ZNF846: variants seen among roughly 807,000 people sequenced by gnomAD.
ZNF846 encodes zinc finger protein 846.
In ZNF846, 15 loss-of-function variants were observed where a neutral mutation model predicts 16.0. That is an observed-to-expected ratio of 0.94 (90% CI 0.63 to 1.45). The LOEUF (loss-of-function observed/expected upper bound fraction) is 1.45, where lower values mean the gene tolerates loss of function less well. ZNF846 is among the 40% of genes most tolerant of loss of function. The pLI is 0.00. For missense variants in ZNF846, 714 were observed against 622.3 expected (o/e 1.15, Z -1.57); for synonymous variants, 229 against 212.0 (o/e 1.08, Z -0.70).
chr19:9,765,204 C>G (rs898772992), intron 1 of ZNF846, among the ~76,000 whole-genome samples, 169 bp from the exon 2 acceptor site: 4 of 151,922 alleles, frequency 2.6e-5, no homozygotes, highest in Non-Finnish European at 4.4e-5. Flanking sequence ...GAAACCCTGT[C>G]TCTACTAAAA....
intron 4 of ZNF846, among the ~76,000 whole-genome samples, chr19:9,761,348 TA>T (rs34244173): frequency 0.17 from 25,247 of 146,812 alleles, 2,877 homozygotes; most frequent in Non-Finnish European, 0.26. Flanking sequence ...AAAACATGAT[TA>T]AAAAAAAAAA....
downstream of ZNF846, among the ~76,000 whole-genome samples, chr19:9,754,563 T>TCAAAA (rs776769152): frequency 6.7e-4 from 56 of 83,766 alleles, no homozygotes; most frequent in African/African-American, 1.6e-3. Context: ...AGACTCTGTC[T>TCAAAA]TAAAAAAAAA....
chr19:9,749,546 C>CTT (rs60331343), downstream of ZNF846, among the ~76,000 whole-genome samples: 20 of 125,534 alleles, frequency 1.6e-4, no homozygotes, highest in Middle Eastern at 4.0e-3. Context: ...ATAAGTCTTT[C>CTT]TTTTTTTTTT....
At chr19:9,764,449 A>C (rs2045281553) in intron 2 of ZNF846, among the ~76,000 whole-genome samples, 1 of 152,172 alleles carries the variant, frequency 6.6e-6, no homozygotes, top group Non-Finnish European at 1.5e-5. Context: ...TCTACATACA[A>C]ATGTACTGTA....
exon 1 of ZNF846, chr19:9,768,307 C>T (rs1000563090): frequency 6.6e-6 from 1 of 151,882 alleles, no homozygotes; most frequent in East Asian, 1.9e-4. Flanking sequence ...ACTGCAATCG[C>T]CCTGTCGGTG....
At chr19:9,784,572 A>G (rs2045539051) in intron 1 of ZNF846, among the ~76,000 whole-genome samples, 1 of 152,126 alleles carries the variant, frequency 6.6e-6, no homozygotes, top group Non-Finnish European at 1.5e-5. Context: ...TCTCAACTGC[A>G]AAGAGGCCTT....
exon 6 of ZNF846, chr19:9,758,498 T>G: frequency 6.2e-7 from 1 of 1,613,616 alleles, no homozygotes; most frequent in Non-Finnish European, 8.5e-7. Flanking sequence ...ATTTCTCTTG[T>G]GTGTGAGTTT....
intron 1 of ZNF846, among the ~76,000 whole-genome samples, chr19:9,783,892 C>T (rs1195779313): frequency 3.3e-5 from 5 of 151,720 alleles, no homozygotes; most frequent in Non-Finnish European, 5.9e-5. Context: ...TTGTAGATAC[C>T]GGGTTTTGCC....
intron 1 of ZNF846, among the ~76,000 whole-genome samples, chr19:9,784,786 C>A (rs1186241971): frequency 6.6e-6 from 1 of 152,084 alleles, no homozygotes; most frequent in African/African-American, 2.4e-5. Context: ...TGGAGCATGG[C>A]GATGCCTTTT....
chr19:9,779,490 A>G (rs2045479181), intron 1 of ZNF846, among the ~76,000 whole-genome samples: 1 of 148,794 alleles, frequency 6.7e-6, no homozygotes, highest in Non-Finnish European at 1.5e-5. Flanking sequence ...CTGGTCTCAA[A>G]CTCCCGACCT....
rs576306688 is a variant in ZNF846, at chr19:9,763,953, T to C, written c.16-545A>G. Among the ~76,000 whole-genome samples the C allele has an allele frequency of 2.6e-5, 4 of 152,264 alleles. No homozygotes were observed. In the South Asian group the frequency reaches 6.2e-4, roughly 24 times the overall value. On this transcript the variant is annotated intron_variant, in intron 2 of 5. Transcript: ENST00000397902. ...TGTAAATACAAAATTGCATGCAGGA[T>C]TGTGTAAAGACAATGCCAGGTTGGA...
chr19:9,750,605 G>T (rs541130283), downstream of ZNF846, among the ~76,000 whole-genome samples: 17 of 152,272 alleles, frequency 1.1e-4, no homozygotes, highest in South Asian at 3.5e-3. Context: ...AATCCAGTTT[G>T]CAAATGGGAA....
At chr19:9,764,938 G>T (rs2045290610) in exon 2 of ZNF846, 3 of 1,614,032 alleles carry the variant, frequency 1.9e-6, no homozygotes, top group Admixed American at 1.7e-5. Context: ...CCACTTGCCT[G>T]AGAAGAATCC....
intron 5 of ZNF846, 116 bp downstream of exon 5, chr19:9,759,744 A>G (rs2045192071): frequency 2.9e-6 from 2 of 684,826 alleles, no homozygotes; most frequent in Non-Finnish European, 4.9e-6. Flanking sequence ...CATGATATTC[A>G]GAGAATCTCT....
chr19:9,772,259 G>T (rs2045395993), upstream of ZNF846, among the ~76,000 whole-genome samples: 1 of 152,056 alleles, frequency 6.6e-6, no homozygotes, highest in South Asian at 2.1e-4. Flanking sequence ...TGAAAATGAA[G>T]AAATACTTCC....
At chr19:9,757,028 T>C (rs1252379906), downstream of ZNF846, among the ~76,000 whole-genome samples, 5 of 147,108 alleles carry the variant, frequency 3.4e-5, no homozygotes, top group Non-Finnish European at 7.5e-5. Context: ...ACCCTGTCTC[T>C]ACTAAAAATA....
upstream of ZNF846, among the ~76,000 whole-genome samples, chr19:9,770,021 T>G (rs1038493706): frequency 6.6e-6 from 1 of 151,554 alleles, no homozygotes; most frequent in African/African-American, 2.4e-5. Flanking sequence ...ATCCATAAAA[T>G]GCTCTGTGCC....
At chr19:9,780,529 A>C (rs1032656586) in intron 1 of ZNF846, among the ~76,000 whole-genome samples, 4 of 151,946 alleles carry the variant, frequency 2.6e-5, no homozygotes, top group Non-Finnish European at 5.9e-5. Flanking sequence ...AGCTCACTGC[A>C]ACCTCTGCCT....
At chr19:9,756,382 T>TATATAC (rs1411472302), downstream of ZNF846, 17 of 119,506 alleles carry the variant, frequency 1.4e-4, no homozygotes, top group African/African-American at 4.0e-4. Flanking sequence ...TATATATATA[T>TATATAC]ATAAAGACAT....
Sources: allele counts gnomAD v4.1 joint callset (sites outside exome capture counted in the v4.1 genomes callset), GRCh38; gene constraint gnomAD v4.1.1; transcripts MANE v1.5; gene names NCBI Gene and HGNC (gene_info 2026-07-23, HGNC 2026-07-21).